TAF3: variants seen among roughly 807,000 people sequenced by gnomAD.
TAF3 encodes the protein transcription initiation factor TFIID subunit 3.
In TAF3, 7 loss-of-function variants were observed where a neutral mutation model predicts 80.6. The ratio of observed to expected loss-of-function variants is 0.09; its 90% CI spans 0.05 to 0.16. The LOEUF (loss-of-function observed/expected upper bound fraction) is 0.16, where lower values mean the gene tolerates loss of function less well. Among genes scored for constraint, TAF3 ranks in the 10% least tolerant of loss-of-function variants. The probability of loss-of-function intolerance (pLI) is 1.00; values close to 1 mark genes in which losing one functional copy is unlikely to be tolerated. For missense variants in TAF3, 921 were observed against 1,140.2 expected (o/e 0.81, Z 2.77); for synonymous variants, 444 against 446.1 (o/e 1.00, Z 0.06).
chr10:7,913,906 C>G (rs1837680525), intron 2 of TAF3, among the ~76,000 whole-genome samples: 1 of 152,202 alleles, frequency 6.6e-6, no homozygotes, highest in Admixed American at 6.5e-5. Context: ...AGGGAAACAA[C>G]TTGATCCAGA....
chr10:7,932,085 T>A (rs1345171011), intron 2 of TAF3, among the ~76,000 whole-genome samples: 1 of 152,218 alleles, frequency 6.6e-6, no homozygotes, highest in Non-Finnish European at 1.5e-5. Context: ...TTTAGTTACT[T>A]CTTGGAAAAA....
At chr10:7,937,710 C>T (rs530449509) in intron 2 of TAF3, among the ~76,000 whole-genome samples, 1 of 152,346 alleles carries the variant, frequency 6.6e-6, no homozygotes, top group South Asian at 2.1e-4. Flanking sequence ...ACACACAGGT[C>T]ACAGGGAATA....
intron 2 of TAF3, among the ~76,000 whole-genome samples, chr10:7,854,009 A>C (rs1837053776): frequency 6.6e-6 from 1 of 152,200 alleles, no homozygotes; most frequent in Non-Finnish European, 1.5e-5. Flanking sequence ...CCTTTATATC[A>C]ACAAAACTTA....
Position 8,015,879 on chromosome 10 carries a change from C to G in TAF3, c.*1128C>G, listed in dbSNP as rs1321807446. On this transcript the variant is annotated 3_prime_UTR_variant, in exon 7 of 7. Coordinates refer to ENST00000344293, the MANE Select transcript of TAF3 (RefSeq NM_031923.4). ...AGTAAAAAAAAAAAACAACAAAAAA[C>G]CCACATATACTGTAGCATTTTGTCT... is the stretch of plus-strand genomic sequence containing the variant. The G allele has an allele frequency of 6.6e-6, 1 of 150,606 alleles. No homozygotes were observed. The allele number at this position is 150,606 out of a possible 1,614,324, so 9.3% of individuals were successfully genotyped here. A position where few individuals can be genotyped will look rare whatever the true frequency, so the allele number is the denominator to read the frequency against.
chr10:8,011,488 C>T (rs1054839980), intron 5 of TAF3, among the ~76,000 whole-genome samples: 2 of 152,152 alleles, frequency 1.3e-5, no homozygotes, highest in African/African-American at 2.4e-5. Context: ...GTTGCCCAGG[C>T]TGGTCTCAAA....
At chr10:7,859,371 C>T (rs1241330466) in intron 2 of TAF3, among the ~76,000 whole-genome samples, 2 of 152,150 alleles carry the variant, frequency 1.3e-5, no homozygotes, top group Non-Finnish European at 2.9e-5. Flanking sequence ...CAGATCCTGC[C>T]ATGTGGATTC....
chr10:7,941,690 T>C (rs894538656), intron 2 of TAF3, among the ~76,000 whole-genome samples: 3 of 152,174 alleles, frequency 2.0e-5, no homozygotes, highest in African/African-American at 4.8e-5. Context: ...GTCGGGAAAA[T>C]AGTAAGTTCT....
intron 3 of TAF3, 79 bp downstream of exon 3, chr10:7,965,821 T>G (rs563440868): frequency 7.1e-7 from 1 of 1,410,522 alleles, no homozygotes; most frequent in East Asian, 2.6e-5. Flanking sequence ...CACAATTATA[T>G]CTGTATTCTG....
At position 7,933,454 on chromosome 10, in the gene TAF3, C is replaced by G. The variant is rs561712140; in HGVS notation, c.410-30466C>G. On this transcript the variant is annotated intron_variant, in intron 2 of 6. Coordinates refer to ENST00000344293, the MANE Select transcript of TAF3 (RefSeq NM_031923.4). ...TGATGCAACCATTGGTGACACTTCA[C>G]TTGGGCTATTGGACAGCAGATGTGT... Among the ~76,000 whole-genome samples the G allele has an allele frequency of 5.3e-5, 8 of 152,286 alleles. No individual in the cohort carries two copies. The East Asian group carries it at 1.4e-3, about 26-fold the overall frequency.
chr10:8,004,993 T>TA (rs1463722436), intron 4 of TAF3, among the ~76,000 whole-genome samples: 5 of 152,348 alleles, frequency 3.3e-5, no homozygotes, highest in Admixed American at 3.3e-4. Flanking sequence ...AGTTTATAGT[T>TA]CTGTCTTGTT....
intron 2 of TAF3, among the ~76,000 whole-genome samples, chr10:7,827,745 A>T (rs1482996440): frequency 1.8e-4 from 27 of 149,978 alleles, no homozygotes; most frequent in African/African-American, 6.7e-4. Flanking sequence ...GTGCCACTGT[A>T]CTCCAGCCTG....
At chr10:7,954,536 A>G (rs75937072) in intron 2 of TAF3, among the ~76,000 whole-genome samples, 48 of 120,124 alleles carry the variant, frequency 4.0e-4, no homozygotes, top group South Asian at 6.5e-4. Context: ...CGAATGAGTG[A>G]ATTAGTTCTA....
chr10:7,833,836 C>G, intron 2 of TAF3: 1 of 700,034 alleles, frequency 1.4e-6, no homozygotes, highest in Non-Finnish European at 2.0e-6. Context: ...GAACTGTCTC[C>G]CTTCCTGGGG....
At chr10:7,834,330 T>G (rs577424532) in intron 2 of TAF3, among the ~76,000 whole-genome samples, 4 of 152,348 alleles carry the variant, frequency 2.6e-5, no homozygotes, top group Admixed American at 6.5e-5. Flanking sequence ...TTTTGTAGTT[T>G]CAAGTCTTAC....
intron 4 of TAF3, among the ~76,000 whole-genome samples, chr10:8,008,092 C>CTT (rs1162726965): frequency 0.012 from 1,318 of 105,958 alleles, 23 homozygotes; most frequent in African/African-American, 0.018. Context: ...TGGGAACAAT[C>CTT]TTTTTTTTTT....
At chr10:7,963,668 G>T (rs760842383) in intron 2 of TAF3, among the ~76,000 whole-genome samples, 2 of 152,080 alleles carry the variant, frequency 1.3e-5, no homozygotes, top group Non-Finnish European at 2.9e-5. Flanking sequence ...GGGAGGTCGG[G>T]GGCTGGGGGA....
chr10:7,986,887 C>A (rs1831784005), intron 4 of TAF3, among the ~76,000 whole-genome samples: 1 of 152,198 alleles, frequency 6.6e-6, no homozygotes, highest in African/African-American at 2.4e-5. Context: ...AAAGTCTGAT[C>A]AGGACATAAT....
intron 2 of TAF3, among the ~76,000 whole-genome samples, chr10:7,869,717 G>A (rs893827948): frequency 6.6e-6 from 1 of 152,178 alleles, no homozygotes; most frequent in African/African-American, 2.4e-5. Flanking sequence ...GGCTGTCCCA[G>A]CATGCACCCC....
At chr10:7,917,094 A>T (rs1837718480) in intron 2 of TAF3, among the ~76,000 whole-genome samples, 1 of 152,260 alleles carries the variant, frequency 6.6e-6, no homozygotes, top group African/African-American at 2.4e-5. Context: ...GTCCTTTGAC[A>T]TGGCAGATAT....
Sources: allele counts gnomAD v4.1 joint callset (sites outside exome capture counted in the v4.1 genomes callset), GRCh38; gene constraint gnomAD v4.1.1; transcripts MANE v1.5; gene names NCBI Gene and HGNC (gene_info 2026-07-23, HGNC 2026-07-21).